Variants in TUBGCP4 observed in about 807,000 individuals in gnomAD.
TUBGCP4 encodes tubulin gamma complex component 4, also known as gamma-tubulin complex component 4.
TUBGCP4 carries 54 observed loss-of-function variants against 91.6 expected under a neutral mutation model. The ratio of observed to expected loss-of-function variants is 0.59; its 90% confidence interval spans 0.47 to 0.74. The LOEUF (loss-of-function observed/expected upper bound fraction) is 0.74, where lower values mean the gene tolerates loss of function less well. TUBGCP4 is among the 30% of genes least tolerant of loss of function. TUBGCP4 has a pLI of 0.00. For missense variants in TUBGCP4, 593 were observed against 800.9 expected (o/e 0.74, Z 3.13); for synonymous variants, 297 against 302.8 (o/e 0.98, Z 0.20).
intron 9 of TUBGCP4, among the ~76,000 whole-genome samples, chr15:43,393,249 C>T (rs1386165611): frequency 6.8e-5 from 10 of 146,546 alleles, no homozygotes; most frequent in Non-Finnish European, 8.9e-5. Context: ...CTTGCTCTGT[C>T]TCCAGGTTGG....
chr15:43,390,515 C>CTTTTTTT (rs201543896), intron 9 of TUBGCP4, among the ~76,000 whole-genome samples: 14 of 137,006 alleles, frequency 1.0e-4, no homozygotes, highest in Non-Finnish European at 1.6e-4. Context: ...TTTCTTTTTT[C>CTTTTTTT]TTTTTTTTTT....
chr15:43,383,825 A>G (rs2044319291), intron 7 of TUBGCP4, among the ~76,000 whole-genome samples: 1 of 151,824 alleles, frequency 6.6e-6, no homozygotes, highest in Non-Finnish European at 1.5e-5. Context: ...TTTTAAAGAC[A>G]GATTCTCACC....
intron 15 of TUBGCP4, 45 bp downstream of exon 15, chr15:43,401,895 C>G (rs1566902826): frequency 6.2e-7 from 1 of 1,607,310 alleles, no homozygotes; most frequent in African/African-American, 1.3e-5. Flanking sequence ...CTACCACTGA[C>G]CATTCCCTTA....
At chr15:43,388,389 C>T (rs966541365) in intron 9 of TUBGCP4, among the ~76,000 whole-genome samples, 1 of 152,190 alleles carries the variant, frequency 6.6e-6, no homozygotes, top group African/African-American at 2.4e-5. Flanking sequence ...ACAGAATGTT[C>T]GATCTTAAAA....
chr15:43,393,540 C>T (rs1331446980), intron 9 of TUBGCP4, among the ~76,000 whole-genome samples: 1 of 151,954 alleles, frequency 6.6e-6, no homozygotes, highest in Non-Finnish European at 1.5e-5. Context: ...TGGTGTGCTG[C>T]ACCCATTAAC....
At position 43,407,438 on chromosome 15, in the gene TUBGCP4, T is replaced by C; in HGVS notation, c.*2224T>C. The stretch of plus-strand genomic sequence containing the variant: ...TGGATGCTGCTTGAATCCAATTCTC[T>C]CCCCAACAATGAGGCACTGGATCAC... On this transcript the variant is annotated 3_prime_UTR_variant, in exon 18 of 18. Coordinates refer to ENST00000564079, the MANE Select transcript of TUBGCP4 (RefSeq NM_014444.5). 1 of 1,614,104 alleles carries C rather than the reference T, an allele frequency of 6.2e-7. No homozygotes were observed. The highest frequency in any genetic ancestry group is 8.5e-7 in the Non-Finnish European group (1 of 1,180,022).
At chr15:43,398,528 T>C (rs2044618662) in intron 13 of TUBGCP4, 1 of 170,572 alleles carries the variant, frequency 5.9e-6, no homozygotes, top group Admixed American at 6.1e-5. Context: ...AGACACGGAG[T>C]TGGAATCAGT....
chr15:43,385,099 C>G (rs2044335092), intron 7 of TUBGCP4, among the ~76,000 whole-genome samples: 1 of 152,050 alleles, frequency 6.6e-6, no homozygotes, highest in Non-Finnish European at 1.5e-5. Context: ...GAAGATGGGT[C>G]TAATGGGGGG....
intron 7 of TUBGCP4, among the ~76,000 whole-genome samples, chr15:43,384,640 G>A (rs985867340): frequency 2.0e-5 from 3 of 152,156 alleles, no homozygotes; most frequent in African/African-American, 4.8e-5. Context: ...TGTGTAAGTT[G>A]GTACTTGATG....
intron 5 of TUBGCP4, among the ~76,000 whole-genome samples, chr15:43,378,265 G>A (rs2044237562): frequency 6.6e-6 from 1 of 152,194 alleles, no homozygotes; most frequent in South Asian, 2.1e-4. Flanking sequence ...TAGGTTTATG[G>A]TTAGTGTGCT....
intron 1 of TUBGCP4, among the ~76,000 whole-genome samples, chr15:43,372,825 C>T (rs2044144405): frequency 6.6e-6 from 1 of 152,138 alleles, no homozygotes; most frequent in Admixed American, 6.5e-5. Flanking sequence ...TGTTTATTTC[C>T]CTTGTAGGAT....
rs1009539779 is a variant in TUBGCP4, at chr15:43,405,668, T to A, written c.*454T>A. ...CCAAGTAAGAAAGCAACAGGTAAGA[T>A]AGGCTTTCTCTCTCCCTATACCAAG... is the stretch of plus-strand genomic sequence containing the variant. On this transcript the variant is annotated 3_prime_UTR_variant, in exon 18 of 18. Transcript: ENST00000564079. 6.2e-6 allele frequency: 1 copy of A among 162,242 alleles called. No individual in the cohort carries two copies. Among genetic ancestry groups the A allele is most frequent in the African/African-American group, 2.4e-5 (1 of 41,614 alleles). 10.1% of individuals were successfully genotyped at this position (162,242 alleles called of 1,614,324 possible).
intron 16 of TUBGCP4, 67 bp from the exon 17 acceptor site, chr15:43,404,345 GC>G (rs2142900519): frequency 6.3e-7 from 1 of 1,582,288 alleles, no homozygotes; most frequent in Non-Finnish European, 8.6e-7. Flanking sequence ...TCCTCCCTCC[GC>G]CCCCATCCTC....
intron 15 of TUBGCP4, chr15:43,402,631 C>G (rs2044711152): frequency 6.6e-6 from 1 of 152,186 alleles, no homozygotes; most frequent in African/African-American, 2.4e-5. Context: ...TTATTTTCAA[C>G]TTTGGCTGCA....
rs562592544 is a variant in TUBGCP4 at position 43,389,282 on chromosome 15, T to C, written c.1014+2952T>C. Among the ~76,000 whole-genome samples the C allele has an allele frequency of 2.0e-5, 3 of 152,378 alleles. No homozygotes were observed. The South Asian group carries it at 6.2e-4, about 32-fold the overall frequency. On this transcript the variant is annotated intron_variant, in intron 9 of 17. Coordinates refer to ENST00000564079, the MANE Select transcript of TUBGCP4 (RefSeq NM_014444.5). The stretch of plus-strand genomic sequence containing the variant: ...TGGTGGTATTACTTTTTGTGGTTAA[T>C]CTTATAACTTGCAACGTGTTGAACT...
intron 5 of TUBGCP4, among the ~76,000 whole-genome samples, chr15:43,378,444 G>T (rs537778768): frequency 6.6e-6 from 1 of 152,342 alleles, no homozygotes; most frequent in South Asian, 2.1e-4. Context: ...CATATTAGAA[G>T]AATCTGCTGT....
chr15:43,378,533 G>T (rs919665742), intron 5 of TUBGCP4, among the ~76,000 whole-genome samples: 10 of 152,096 alleles, frequency 6.6e-5, no homozygotes, highest in African/African-American at 2.4e-4. Flanking sequence ...TTTTTTTTAA[G>T]CTCTTTATTT....
Position 43,404,490 on chromosome 15 carries a change from T to C in TUBGCP4, c.1926T>C (p.Ala642=), listed in dbSNP as rs376299947. 13 of 1,614,066 alleles carry C rather than the reference T, an allele frequency of 8.1e-6. No homozygotes were observed. The highest frequency in any genetic ancestry group is 2.2e-5 in the East Asian group (1 of 44,892). Residue 642 remains alanine, a synonymous_variant, in exon 17 of 18, where the codon GCT becomes GCC. Transcript: ENST00000564079. ...ATCATCAGATCAACTCAGATTTGGC[T>C]CAACTACTGTTACGACTAGATTATA... The part of the protein sequence containing the change: ...VRNHQINSDL[A]QLLLRLDYNK...
chr15:43,404,579 T>C, intron 17 of TUBGCP4, 27 bp downstream of exon 17: 1 of 1,609,862 alleles, frequency 6.2e-7, no homozygotes, highest in Non-Finnish European at 8.5e-7. Flanking sequence ...GGTAACTCAG[T>C]AGACTTTTTA....
Sources: gnomAD v4.1 joint callset for allele counts (sites outside exome capture counted in the v4.1 genomes callset) on GRCh38, gnomAD v4.1.1 for gene constraint, MANE v1.5 for transcripts, NCBI Gene and HGNC (gene_info 2026-07-23, HGNC 2026-07-21) for gene names.